The following CDH12 variants were observed in gnomAD, a reference collection of about 807,000 sequenced individuals.
CDH12 encodes cadherin 12, also known as cadherin-12.
Under a neutral mutation model 74.1 loss-of-function variants are expected in CDH12, and 41 were observed. The ratio of observed to expected loss-of-function variants is 0.55; its 90% CI spans 0.43 to 0.72. The LOEUF (loss-of-function observed/expected upper bound fraction) is 0.72. CDH12 is among the 30% of genes least tolerant of loss of function. CDH12 has a pLI of 0.00. For synonymous variants in CDH12, 399 were observed against 355.0 expected, an observed-to-expected ratio of 1.12 and a Z score of -1.39; for missense variants, 945 against 977.2, an observed-to-expected ratio of 0.97 and a Z score of 0.44.
chr5:22,187,175 C>T (rs1750003424), intron 4 of CDH12, among the ~76,000 whole-genome samples: 3 of 152,182 alleles, frequency 2.0e-5, no homozygotes, highest in African/African-American at 7.2e-5. Context: ...CATATGAGGT[C>T]CCCTAGGAGT....
intron 5 of CDH12, among the ~76,000 whole-genome samples, chr5:22,077,232 A>T (rs1742393512): frequency 1.3e-5 from 2 of 152,132 alleles, no homozygotes; most frequent in Admixed American, 1.3e-4. Context: ...AACTCTGGTT[A>T]TATGTCCCTT....
At chr5:22,842,137 G>T (rs958035600) in intron 1 of CDH12, among the ~76,000 whole-genome samples, 2 of 152,066 alleles carry the variant, frequency 1.3e-5, no homozygotes, top group South Asian at 2.1e-4. Flanking sequence ...AACTAGTACT[G>T]CCACGGAACC....
rs544851045 is a variant in CDH12 at position 22,250,087 on chromosome 5, G to A, written c.-332-37444C>T. Among the ~76,000 whole-genome samples the A allele has an allele frequency of 7.9e-5, 12 of 152,210 alleles. No individual in the cohort carries two copies. The South Asian group carries it at 2.1e-3, about 26-fold the overall frequency. ...CTGAACAGAATTTTTAAAGACTTGG[G>A]ATCTGGAAAAGCATGGTGTCTATGA... On this transcript the variant is annotated intron_variant, in intron 3 of 14. Coordinates refer to ENST00000382254, the MANE Select transcript of CDH12 (RefSeq NM_004061.5).
In CDH12 at chr5:22,133,799, G is replaced by C. The variant is rs146108904; in HGVS notation, c.-186-54937C>G. Among the ~76,000 whole-genome samples the C allele has an allele frequency of 3.7e-3, 533 of 144,718 alleles. 9 individuals are homozygous for C. In the East Asian group the frequency reaches 0.046, roughly 12 times the overall value. 94.9% of individuals were successfully genotyped at this position (144,718 alleles called of 152,430 possible). A position where few individuals can be genotyped will look rare whatever the true frequency, so the allele number is the denominator to read the frequency against. On this transcript the variant is annotated intron_variant, in intron 4 of 14. Coordinates refer to ENST00000382254, the MANE Select transcript of CDH12 (RefSeq NM_004061.5). ...CCCTTGTTGATGGTGAACAGTTAAA[G>C]TATGCTAGTCTTCACTTAATCATGT...
intron 7 of CDH12, among the ~76,000 whole-genome samples, chr5:21,853,456 CT>C (rs1329869365): frequency 6.6e-6 from 1 of 151,448 alleles, no homozygotes; most frequent in African/African-American, 2.4e-5. Context: ...TGTTTTAGTC[CT>C]TTAACTTTTT....
intron 1 of CDH12, among the ~76,000 whole-genome samples, chr5:22,816,296 C>A (rs1749390886): frequency 6.6e-6 from 1 of 152,162 alleles, no homozygotes; most frequent in Admixed American, 6.5e-5. Flanking sequence ...GGAAGTTAAT[C>A]AACTTTCCAG....
chr5:21,960,226 C>T (rs1202850715), intron 6 of CDH12, among the ~76,000 whole-genome samples: 1 of 152,176 alleles, frequency 6.6e-6, no homozygotes, highest in Admixed American at 6.5e-5. Context: ...CCAAAAACAA[C>T]AGAATATACA....
chr5:22,365,149 A>T (rs558459539), intron 3 of CDH12, among the ~76,000 whole-genome samples: 29 of 152,192 alleles, frequency 1.9e-4, no homozygotes, highest in Non-Finnish European at 3.1e-4. Flanking sequence ...CTGCTAATAG[A>T]CATGGGCAGT....
At chr5:22,206,135 G>A (rs539150080) in intron 4 of CDH12, among the ~76,000 whole-genome samples, 4 of 152,194 alleles carry the variant, frequency 2.6e-5, no homozygotes, top group African/African-American at 7.2e-5. Flanking sequence ...CCTGTGAAAC[G>A]TCCTCCAGTA....
rs114518859 is a variant in CDH12 at position 22,184,254 on chromosome 5, T to C, written c.-187+28244A>G. On this transcript the variant is annotated intron_variant, in intron 4 of 14. Transcript: ENST00000382254. ...GCCTAAGAGATAATAAAGTTATTCT[T>C]GATAGAGTCCTAGATTGGAAGTAGT... Among the ~76,000 whole-genome samples the C allele has an allele frequency of 6.5e-3, 996 of 152,300 alleles. 10 individuals are homozygous for C. Among genetic ancestry groups the C allele is most frequent in the African/African-American group, 0.023 (947 of 41,576 alleles).
intron 3 of CDH12, among the ~76,000 whole-genome samples, chr5:22,258,827 A>G (rs1047562894): frequency 6.6e-6 from 1 of 152,158 alleles, no homozygotes; most frequent in African/African-American, 2.4e-5. Context: ...CTAGGTGTGT[A>G]GGAGGCTATG....
At chr5:22,644,625 A>G (rs2126875517) in intron 1 of CDH12, among the ~76,000 whole-genome samples, 1 of 152,168 alleles carries the variant, frequency 6.6e-6, no homozygotes, top group South Asian at 2.1e-4. Flanking sequence ...AAGTGCTTAT[A>G]TAGAAGCTGC....
chr5:22,264,720 T>C (rs1323417943), intron 3 of CDH12, among the ~76,000 whole-genome samples: 1 of 152,136 alleles, frequency 6.6e-6, no homozygotes, highest in East Asian at 1.9e-4. Flanking sequence ...GAGACACAAT[T>C]ACAGCTAATA....
chr5:22,355,108 A>T (rs1171154052), intron 3 of CDH12, among the ~76,000 whole-genome samples: 1 of 152,126 alleles, frequency 6.6e-6, no homozygotes, highest in African/African-American at 2.4e-5. Flanking sequence ...ATTCATTTTG[A>T]ATATGATTAA....
rs186212594 is a variant in CDH12, at chr5:22,089,675, T to A, written c.-186-10813A>T. On this transcript the variant is annotated intron_variant, in intron 4 of 14. Transcript: ENST00000382254. Reference sequence around the variant, plus strand: ...CAAGATTAAAATTTTACCACATACCTTCTTCATCTAAGATATAATTACATT... The same window carrying A: ...CAAGATTAAAATTTTACCACATACCATCTTCATCTAAGATATAATTACATT... Among the ~76,000 whole-genome samples the A allele has an allele frequency of 3.3e-5, 5 of 152,248 alleles. No individual in the cohort carries two copies. In the East Asian group the frequency reaches 9.6e-4, roughly 29 times the overall value.
chr5:22,311,959 TATG>T (rs1294435480), intron 3 of CDH12, among the ~76,000 whole-genome samples: 1 of 152,178 alleles, frequency 6.6e-6, no homozygotes, highest in African/African-American at 2.4e-5. Flanking sequence ...TATATCAAAA[TATG>T]ATGTGTCCCC....
intron 6 of CDH12, among the ~76,000 whole-genome samples, chr5:21,929,716 C>T (rs2150079673): frequency 6.6e-6 from 1 of 152,192 alleles, no homozygotes; most frequent in Admixed American, 6.5e-5. Flanking sequence ...GCGGGGTTCA[C>T]CATGTTGCCC....
intron 9 of CDH12, among the ~76,000 whole-genome samples, chr5:21,815,474 A>C (rs1309308191): frequency 6.6e-6 from 1 of 152,072 alleles, no homozygotes; most frequent in Non-Finnish European, 1.5e-5. Flanking sequence ...ACATTAACAG[A>C]CTCCTTCATG....
At chr5:22,293,000 TCCATTCCCAATCTGTAACCC>T (rs1737462852) in intron 3 of CDH12, among the ~76,000 whole-genome samples, 1 of 51,456 alleles carries the variant, frequency 1.9e-5, no homozygotes, top group Admixed American at 2.9e-4. Context: ...GTAACCCACA[TCCATTCCCAATCTGTAACCC>T]ACATCCATTC....
Sources: allele counts gnomAD v4.1 joint callset (sites outside exome capture counted in the v4.1 genomes callset), GRCh38; gene constraint gnomAD v4.1.1; transcripts MANE v1.5; gene names NCBI Gene and HGNC (gene_info 2026-07-23, HGNC 2026-07-21).